Variants in MACROD2 observed in about 807,000 individuals in gnomAD.
MACROD2 encodes the protein ADP-ribose glycohydrolase MACROD2.
A neutral mutation model predicts 70.4 loss-of-function variants in MACROD2; 36 were observed. That is an observed-to-expected ratio of 0.51 (90% CI 0.39 to 0.68). The LOEUF (loss-of-function observed/expected upper bound fraction) is 0.68. Among genes scored for constraint, MACROD2 ranks in the 30% least tolerant of loss-of-function variants. The pLI is 0.00. For missense variants in MACROD2, 496 were observed against 538.4 expected (o/e 0.92, Z 0.78); for synonymous variants, 172 against 178.8 (o/e 0.96, Z 0.30).
At chr20:14,920,165 T>G (rs1362095380) in intron 5 of MACROD2, among the ~76,000 whole-genome samples, 1 of 152,222 alleles carries the variant, frequency 6.6e-6, no homozygotes, top group East Asian at 1.9e-4. Flanking sequence ...CTACTGGTAC[T>G]GGGATAGAGA....
At chr20:14,407,468 G>A (rs2083703692) in intron 3 of MACROD2, among the ~76,000 whole-genome samples, 1 of 152,048 alleles carries the variant, frequency 6.6e-6, no homozygotes, top group Non-Finnish European at 1.5e-5. Context: ...GTTTGACAGT[G>A]TGGTCTGACT....
At chr20:15,902,838 T>C (rs752820222) in intron 10 of MACROD2, among the ~76,000 whole-genome samples, 1 of 151,956 alleles carries the variant, frequency 6.6e-6, no homozygotes, top group Non-Finnish European at 1.5e-5. Flanking sequence ...AACAACTTCA[T>C]GGGAGACGTC....
intron 15 of MACROD2, among the ~76,000 whole-genome samples, chr20:16,014,152 C>A (rs1424037733): frequency 6.6e-6 from 1 of 152,204 alleles, no homozygotes. Context: ...CACCTCTATT[C>A]AGCTTTAAAA....
rs1233655153 is a variant in MACROD2, at chr20:15,076,430, T to C, written c.419-153510T>C. 3.3e-5 allele frequency among the ~76,000 whole-genome samples: 5 copies of C among 152,192 alleles called. No homozygotes were observed. The East Asian group carries it at 7.7e-4, about 23-fold the overall frequency. ...ATATCATTAAGCCAAACTGTATGAATAGTTTTAATCTCAATACATATTGTC... is the reference window on the plus strand; with the variant it reads ...ATATCATTAAGCCAAACTGTATGAACAGTTTTAATCTCAATACATATTGTC... On this transcript the variant is annotated intron_variant, in intron 5 of 17. Coordinates refer to ENST00000684519, the MANE Select transcript of MACROD2 (RefSeq NM_001351661.2).
intron 12 of MACROD2, among the ~76,000 whole-genome samples, chr20:15,957,674 G>A (rs922616905): frequency 5.9e-5 from 9 of 152,150 alleles, no homozygotes; most frequent in Non-Finnish European, 1.3e-4. Context: ...GTCTCAAAAG[G>A]CATTCTGCCC....
At chr20:14,942,112 T>G (rs2074395580) in intron 5 of MACROD2, among the ~76,000 whole-genome samples, 2 of 152,074 alleles carry the variant, frequency 1.3e-5, no homozygotes, top group Non-Finnish European at 2.9e-5. Flanking sequence ...ATTCTGATCT[T>G]CTGTAGACAC....
intron 8 of MACROD2, among the ~76,000 whole-genome samples, chr20:15,782,042 C>T (rs964288617): frequency 1.3e-5 from 2 of 151,974 alleles, no homozygotes; most frequent in East Asian, 3.9e-4. Context: ...GGCACTATAT[C>T]GAGTCGATGA....
intron 6 of MACROD2, among the ~76,000 whole-genome samples, chr20:15,390,714 A>G (rs931290325): frequency 6.6e-6 from 1 of 152,236 alleles, no homozygotes; most frequent in African/African-American, 2.4e-5. Flanking sequence ...AATCTGTAGG[A>G]ATACAACTCA....
chr20:14,630,485 C>T (rs1255590539), intron 4 of MACROD2, among the ~76,000 whole-genome samples: 2 of 152,156 alleles, frequency 1.3e-5, no homozygotes, highest in Non-Finnish European at 2.9e-5. Context: ...GTAAAATTAG[C>T]AATTGTTTTC....
intron 7 of MACROD2, among the ~76,000 whole-genome samples, chr20:15,454,453 A>ACACACACACACC (rs1454301030): frequency 4.6e-5 from 6 of 131,692 alleles, no homozygotes; most frequent in African/African-American, 1.7e-4. Flanking sequence ...ACACACACAC[A>ACACACACACACC]CCCTTATTAT....
chr20:15,749,790 CT>C (rs2051240386), intron 8 of MACROD2, among the ~76,000 whole-genome samples: 1 of 151,968 alleles, frequency 6.6e-6, no homozygotes, highest in Admixed American at 6.6e-5. Flanking sequence ...CCTGGGAATA[CT>C]GACTATCGAA....
chr20:15,056,260 C>G (rs1375484867), intron 5 of MACROD2, among the ~76,000 whole-genome samples: 1 of 152,180 alleles, frequency 6.6e-6, no homozygotes, highest in Non-Finnish European at 1.5e-5. Context: ...TGGATGCCAG[C>G]AACCCAAAGA....
intron 2 of MACROD2, among the ~76,000 whole-genome samples, chr20:14,013,883 T>A (rs983078961): frequency 2.0e-5 from 3 of 151,928 alleles, no homozygotes; most frequent in Admixed American, 2.0e-4. Flanking sequence ...GGTTTCACGA[T>A]GTTGGCCAGG....
intron 9 of MACROD2, among the ~76,000 whole-genome samples, chr20:15,875,480 C>T (rs918487921): frequency 2.0e-5 from 3 of 152,018 alleles, no homozygotes; most frequent in Non-Finnish European, 2.9e-5. Flanking sequence ...TATAATGTAA[C>T]ATAAATGAGT....
At chr20:15,814,891 A>G (rs2063857059) in intron 8 of MACROD2, among the ~76,000 whole-genome samples, 1 of 152,236 alleles carries the variant, frequency 6.6e-6, no homozygotes. Flanking sequence ...GTTTTATCAG[A>G]TGAAGTGTGA....
Position 16,052,823 on chromosome 20 carries a change from T to G in MACROD2, c.*2947T>G, listed in dbSNP as rs2067475880. 6.6e-6 allele frequency: 1 copy of G among 152,634 alleles called. No individual in the cohort carries two copies. 9.5% of individuals were successfully genotyped at this position (152,634 alleles called of 1,614,324 possible). A position where few individuals can be genotyped will look rare whatever the true frequency, so the allele number is the denominator to read the frequency against. ...GAAAAATAACAAAGTTAGCAGAATA[T>G]GTTCAATATATTTTCTTGGGGAATA... On this transcript the variant is annotated 3_prime_UTR_variant, in exon 18 of 18. Transcript: ENST00000684519.
intron 8 of MACROD2, among the ~76,000 whole-genome samples, chr20:15,664,677 C>A (rs2049873044): frequency 6.6e-6 from 1 of 152,172 alleles, no homozygotes; most frequent in Admixed American, 6.5e-5. Context: ...GAACCTCAGG[C>A]TGAGGAGCAA....
At chr20:14,540,257 G>A (rs1336724942) in intron 4 of MACROD2, among the ~76,000 whole-genome samples, 10 of 152,036 alleles carry the variant, frequency 6.6e-5, no homozygotes, top group Non-Finnish European at 8.8e-5. Flanking sequence ...CCTCAGTTAC[G>A]TTTACTTCCC....
In MACROD2 at chr20:14,940,148, CAA is replaced by C. The variant is rs57697517; in HGVS notation, c.418+255216_418+255217del. On this transcript the variant is annotated intron_variant, in intron 5 of 17. Coordinates refer to ENST00000684519, the MANE Select transcript of MACROD2 (RefSeq NM_001351661.2). The stretch of plus-strand genomic sequence containing the variant: ...CAACATATGGAAACCCTCATCTCTG[CAA>C]AAAAAAAAAAAAAAAAAAAAAAAAA... 1.1e-3 allele frequency among the ~76,000 whole-genome samples: 58 copies of C among 55,088 alleles called. No individual in the cohort carries two copies. The South Asian group carries it at 0.012, about 11-fold the overall frequency. 36.1% of individuals were successfully genotyped at this position (55,088 alleles called of 152,430 possible). A position where few individuals can be genotyped will look rare whatever the true frequency, so the allele number is the denominator to read the frequency against.
Sources: gnomAD v4.1 joint callset for allele counts (sites outside exome capture counted in the v4.1 genomes callset) on GRCh38, gnomAD v4.1.1 for gene constraint, MANE v1.5 for transcripts, NCBI Gene and HGNC (gene_info 2026-07-23, HGNC 2026-07-21) for gene names.